PRKN: variants seen among roughly 807,000 people sequenced by gnomAD.
The protein encoded by PRKN is parkin RBR E3 ubiquitin protein ligase.
In PRKN, 56 loss-of-function variants were observed where a neutral mutation model predicts 59.5. The observed-to-expected ratio is 0.94, with a 90% confidence interval of 0.76 to 1.18. PRKN has a LOEUF of 1.18. Among genes scored for constraint, PRKN ranks in the 50% most tolerant of loss-of-function variants. PRKN has a pLI of 0.00. For missense variants in PRKN, 657 were observed against 596.4 expected (o/e 1.10, Z -1.06); for synonymous variants, 250 against 222.1 (o/e 1.13, Z -1.12).
intron 7 of PRKN, among the ~76,000 whole-genome samples, chr6:161,690,710 A>T (rs975398797): frequency 2.0e-5 from 3 of 151,920 alleles, no homozygotes; most frequent in Admixed American, 1.3e-4. Flanking sequence ...CCTCCGCCTG[A>T]CCTCTTGAGC....
intron 1 of PRKN, among the ~76,000 whole-genome samples, chr6:162,445,006 C>A (rs940186361): frequency 2.0e-5 from 3 of 152,106 alleles, no homozygotes; most frequent in Non-Finnish European, 4.4e-5. Flanking sequence ...TAAAAGATAA[C>A]AAACTCCTCA....
At chr6:162,277,457 G>A (rs898583225) in intron 2 of PRKN, among the ~76,000 whole-genome samples, 1 of 152,100 alleles carries the variant, frequency 6.6e-6, no homozygotes, top group Non-Finnish European at 1.5e-5. Context: ...TGCAAATTAG[G>A]TGTGTGTGAG....
At chr6:162,335,466 T>C (rs1167147623) in intron 2 of PRKN, among the ~76,000 whole-genome samples, 1 of 152,162 alleles carries the variant, frequency 6.6e-6, no homozygotes, top group Non-Finnish European at 1.5e-5. Flanking sequence ...GCTATATTTG[T>C]TTTACCGTGG....
At chr6:162,051,015 A>T (rs1777616951) in intron 5 of PRKN, among the ~76,000 whole-genome samples, 1 of 152,150 alleles carries the variant, frequency 6.6e-6, no homozygotes, top group African/African-American at 2.4e-5. Context: ...CATATGTGTT[A>T]GGAGTGTGAG....
chr6:162,543,583 G>A (rs1417697729), intron 1 of PRKN, among the ~76,000 whole-genome samples: 1 of 152,076 alleles, frequency 6.6e-6, no homozygotes, highest in Non-Finnish European at 1.5e-5. Context: ...AAAACAAAAG[G>A]ACCTTCCCCC....
intron 4 of PRKN, among the ~76,000 whole-genome samples, chr6:162,158,640 A>G (rs1373040802): frequency 6.6e-6 from 1 of 151,890 alleles, no homozygotes; most frequent in Non-Finnish European, 1.5e-5. Context: ...CATGTTGGCC[A>G]GTCTGGTCTT....
intron 4 of PRKN, among the ~76,000 whole-genome samples, chr6:162,198,245 G>A (rs10945802): frequency 0.28 from 43,058 of 151,916 alleles, 7,309 homozygotes; most frequent in Non-Finnish European, 0.37. Context: ...GGGCTTTGGA[G>A]ATAGAGGTGG....
At chr6:161,505,676 T>C (rs1778139514) in intron 9 of PRKN, among the ~76,000 whole-genome samples, 1 of 140,130 alleles carries the variant, frequency 7.1e-6, no homozygotes, top group South Asian at 2.4e-4. Flanking sequence ...GTTTAAGTCT[T>C]TAATCCATCT....
At chr6:161,368,392 T>TATATATATATATAC (rs1785308190) in intron 10 of PRKN, among the ~76,000 whole-genome samples, 1 of 141,244 alleles carries the variant, frequency 7.1e-6, no homozygotes, top group Admixed American at 7.1e-5. Context: ...GATATATATA[T>TATATATATATATAC]ATATATATAT....
chr6:161,777,798 A>ATGTATATATGTATATATG (rs1189963488), intron 7 of PRKN, among the ~76,000 whole-genome samples: 2 of 135,114 alleles, frequency 1.5e-5, no homozygotes, highest in East Asian at 3.9e-4. Flanking sequence ...TATATGATAT[A>ATGTATATATGTATATATG]TGTATATATG....
chr6:161,487,633 T>C lies in PRKN; in HGVS notation c.1083+61221A>G, dbSNP rs1223272378. Among the ~76,000 whole-genome samples, 1 of 152,236 alleles carries C rather than the reference T, an allele frequency of 6.6e-6. No individual in the cohort carries two copies. The highest frequency in any genetic ancestry group is 2.4e-5 in the African/African-American group (1 of 41,460). On this transcript the variant is annotated intron_variant, in intron 9 of 11. Transcript: ENST00000366898. The surrounding 1 kb of genome is among the most constrained non-coding windows in gnomAD (Gnocchi z 5.3). Reference sequence around the variant, plus strand: ...CTACAAGGAGAAATTAGTTGAATAATATTAAATATTGACTACTGATATGAT... The same window carrying C: ...CTACAAGGAGAAATTAGTTGAATAACATTAAATATTGACTACTGATATGAT...
At chr6:162,017,039 T>G (rs1427792605) in intron 5 of PRKN, among the ~76,000 whole-genome samples, 2 of 152,212 alleles carry the variant, frequency 1.3e-5, no homozygotes, top group African/African-American at 4.8e-5. Flanking sequence ...GGCCCCTTAT[T>G]AACAAAGAGT....
chr6:162,726,828 T>C (rs1779228267), intron 1 of PRKN, among the ~76,000 whole-genome samples: 1 of 152,134 alleles, frequency 6.6e-6, no homozygotes, highest in African/African-American at 2.4e-5. Context: ...TAGCACTGTT[T>C]TTCAAACATA....
chr6:162,382,354 G>A (rs549107244), intron 2 of PRKN, among the ~76,000 whole-genome samples: 116 of 152,230 alleles, frequency 7.6e-4, no homozygotes, highest in African/African-American at 2.6e-3. Flanking sequence ...ATACCTCAGA[G>A]ATACTAAGGG....
At chr6:162,187,236 C>T (rs540680145) in intron 4 of PRKN, among the ~76,000 whole-genome samples, 2 of 152,206 alleles carry the variant, frequency 1.3e-5, no homozygotes, top group East Asian at 1.9e-4. Context: ...AAGTGATCAC[C>T]GGAGGAGGAA....
At chr6:162,291,040 T>C (rs1397342247) in intron 2 of PRKN, among the ~76,000 whole-genome samples, 2 of 152,198 alleles carry the variant, frequency 1.3e-5, no homozygotes, top group Admixed American at 6.5e-5. Context: ...AGCGATGTCA[T>C]GGGTGATTTT....
At chr6:161,910,533 G>C (rs923838090) in intron 6 of PRKN, among the ~76,000 whole-genome samples, 23 of 152,162 alleles carry the variant, frequency 1.5e-4, no homozygotes, top group African/African-American at 5.6e-4. Context: ...GGGATTACAG[G>C]CATGAGCCAC....
At chr6:162,054,066 G>C (rs768030209) in intron 5 of PRKN, 25 bp downstream of exon 5, 2 of 1,415,874 alleles carry the variant, frequency 1.4e-6, no homozygotes, top group African/African-American at 2.8e-5. Context: ...TGCAATAAGA[G>C]GAATGAATGT....
In PRKN at chr6:161,592,241, C is replaced by G. The variant is rs985230279; in HGVS notation, c.872-22825G>C. Reference sequence around the variant, plus strand: ...CCCATAGATACAGGGGGTTGACAGACACTAGGTTGAGGTAATGCTTCATGA... The same window carrying G: ...CCCATAGATACAGGGGGTTGACAGAGACTAGGTTGAGGTAATGCTTCATGA... On this transcript the variant is annotated intron_variant, in intron 7 of 11. Coordinates refer to ENST00000366898, the MANE Select transcript of PRKN (RefSeq NM_004562.3). The surrounding 1 kb of genome is among the most constrained non-coding windows in gnomAD (Gnocchi z 4.8). 3.9e-5 allele frequency among the ~76,000 whole-genome samples: 6 copies of G among 152,108 alleles called. No homozygotes were observed. The highest frequency in any genetic ancestry group is 8.8e-5 in the Non-Finnish European group (6 of 68,018).
Sources: allele counts gnomAD v4.1 joint callset (sites outside exome capture counted in the v4.1 genomes callset), GRCh38; gene constraint gnomAD v4.1.1; non-coding constraint Gnocchi (gnomAD v3.1); transcripts MANE v1.5; gene names NCBI Gene and HGNC (gene_info 2026-07-23, HGNC 2026-07-21).